Variants in ADAMTSL1 observed in about 807,000 individuals in gnomAD.
ADAMTSL1 encodes the protein ADAMTS-like protein 1.
Under a neutral mutation model 201.8 loss-of-function variants are expected in ADAMTSL1, and 126 were observed. The observed-to-expected ratio is 0.62, with a 90% confidence interval of 0.54 to 0.72. The LOEUF (loss-of-function observed/expected upper bound fraction) is 0.72, where lower values mean the gene tolerates loss of function less well. ADAMTSL1 is among the 30% of genes least tolerant of loss of function. ADAMTSL1 has a pLI of 0.00. For synonymous variants in ADAMTSL1, 1,121 were observed against 903.4 expected, an observed-to-expected ratio of 1.24 and a Z score of -4.32; for missense variants, 2,679 against 2,277.8, an observed-to-expected ratio of 1.18 and a Z score of -3.59.
At chr9:18,336,336 C>A (rs1835241481) in intron 2 of ADAMTSL1, among the ~76,000 whole-genome samples, 1 of 148,234 alleles carries the variant, frequency 6.7e-6, no homozygotes, top group Non-Finnish European at 1.5e-5. Flanking sequence ...CCACAGGCAA[C>A]AATTTTTCTA....
At chr9:18,050,674 A>G (rs1319516465) in intron 1 of ADAMTSL1, among the ~76,000 whole-genome samples, 2 of 152,112 alleles carry the variant, frequency 1.3e-5, no homozygotes, top group African/African-American at 2.4e-5. Context: ...GACTTATTTT[A>G]TGGAAGTGTG....
chr9:18,536,444 T>A (rs541804734), intron 3 of ADAMTSL1, among the ~76,000 whole-genome samples: 5 of 57,294 alleles, frequency 8.7e-5, no homozygotes, highest in African/African-American at 3.4e-4. Context: ...CCAGTTTCCC[T>A]TTTTTTTTTT....
rs1828778664 is a variant in ADAMTSL1 at position 18,657,625 on chromosome 9, G to A, written c.835-14G>A. On this transcript the variant is annotated splice_polypyrimidine_tract_variant and intron_variant, in intron 7 of 28. Coordinates refer to ENST00000380548, the MANE Select transcript of ADAMTSL1 (RefSeq NM_001040272.6). ...ACTGTCACATTACTTCTACTTTCCT[G>A]TTGACTCCTGCAGATTCGTAACTCG... The A allele has an allele frequency of 1.2e-6, 2 of 1,601,946 alleles. No homozygotes were observed. The highest frequency in any genetic ancestry group is 1.7e-5 in the Admixed American group (1 of 59,992).
At position 18,354,719 on chromosome 9, in the gene ADAMTSL1, G is replaced by A. The variant is rs530109219; in HGVS notation, c.208-150110G>A. 4.6e-5 allele frequency among the ~76,000 whole-genome samples: 7 copies of A among 152,274 alleles called. No individual in the cohort carries two copies. The East Asian group carries it at 1.2e-3, about 25-fold the overall frequency. The stretch of plus-strand genomic sequence containing the variant: ...GTGGTGGCTCACACCTGTAGTCCCA[G>A]CACTTTGGAAGGCTGAAGTTGGTGG... On this transcript the variant is annotated intron_variant, in intron 2 of 29. Transcript: ENST00000680146.
intron 1 of ADAMTSL1, among the ~76,000 whole-genome samples, chr9:17,988,672 G>C (rs1236256682): frequency 1.3e-5 from 2 of 151,650 alleles, no homozygotes; most frequent in Non-Finnish European, 2.9e-5. Flanking sequence ...AGTAAGGTCT[G>C]TTAATGATTT....
Position 18,267,769 on chromosome 9 carries a change from A to AAC in ADAMTSL1, c.207+103789_207+103790insCA, listed in dbSNP as rs757913827. On this transcript the variant is annotated intron_variant, in intron 2 of 29. Coordinates refer to the ADAMTSL1 transcript ENST00000680146. ...AGGTTACTCAAAGGCTATTAAAAAA[A>AAC]AAAAACAAAAACAAAAACAAAAAAA... is the stretch of plus-strand genomic sequence containing the variant. 8.2e-3 allele frequency among the ~76,000 whole-genome samples: 1,219 copies of AAC among 149,428 alleles called. 20 individuals carry two copies. The highest frequency in any genetic ancestry group is 0.016 in the South Asian group (74 of 4,712).
intron 1 of ADAMTSL1, among the ~76,000 whole-genome samples, chr9:17,978,618 CT>C (rs1272818030): frequency 2.0e-5 from 3 of 152,004 alleles, no homozygotes; most frequent in Non-Finnish European, 4.4e-5. Context: ...ATAAATTAAA[CT>C]TTTAAATATG....
intron 9 of ADAMTSL1, among the ~76,000 whole-genome samples, chr9:18,668,566 C>G (rs947997229): frequency 6.6e-6 from 1 of 152,136 alleles, no homozygotes; most frequent in Non-Finnish European, 1.5e-5. Context: ...TTCCGTCTGT[C>G]AGTTTGTAGC....
intron 7 of ADAMTSL1, among the ~76,000 whole-genome samples, chr9:18,646,011 C>G (rs1827786974): frequency 6.6e-6 from 1 of 152,128 alleles, no homozygotes; most frequent in Non-Finnish European, 1.5e-5. Flanking sequence ...CTGATTCTTC[C>G]TATCCATGAG....
intron 1 of ADAMTSL1, among the ~76,000 whole-genome samples, chr9:18,162,612 T>C (rs992353629): frequency 1.3e-5 from 2 of 151,986 alleles, no homozygotes; most frequent in African/African-American, 4.8e-5. Context: ...ATTATATATG[T>C]TATAGAAGAG....
Position 18,887,835 on chromosome 9 carries a change from C to T in ADAMTSL1, c.4254C>T (p.Cys1418=). Residue 1418 remains cysteine (C), a synonymous_variant, in exon 24 of 29, where the codon TGC becomes TGT. Transcript: ENST00000380548. The part of the protein sequence containing the change: ...LDPGNSALLG[C]PIKGHPVPNI... ...CTTCTTTTCCTCTCCTTCTAGGCTG[C>T]CCCATCAAAGGTCACCCTGTCCCTA... 7.4e-6 allele frequency: 12 copies of T among 1,613,422 alleles called. No individual in the cohort carries two copies. Among genetic ancestry groups the T allele is most frequent in the Non-Finnish European group, 1.0e-5 (12 of 1,179,572 alleles).
At chr9:18,181,086 T>G (rs1164870074) in intron 2 of ADAMTSL1, among the ~76,000 whole-genome samples, 3 of 152,132 alleles carry the variant, frequency 2.0e-5, no homozygotes, top group African/African-American at 4.8e-5. Context: ...TAGCCATATG[T>G]AGAAAGCTGA....
At chr9:18,478,584 T>C (rs1308476840) in intron 1 of ADAMTSL1, among the ~76,000 whole-genome samples, 1 of 152,200 alleles carries the variant, frequency 6.6e-6, no homozygotes, top group Non-Finnish European at 1.5e-5. Flanking sequence ...TTCATGTATC[T>C]TCCAGTTTCC....
chr9:17,976,404 T>G lies in ADAMTSL1; in HGVS notation c.87+69482T>G, dbSNP rs1008212564. On this transcript the variant is annotated intron_variant, in intron 1 of 29. Coordinates refer to the ADAMTSL1 transcript ENST00000680146. Reference sequence around the variant, plus strand: ...TTATGTCTTCTTCAGTTTTTTTAAATCAGTATTTTATAGTTTTTGGTGTAC... The same window carrying G: ...TTATGTCTTCTTCAGTTTTTTTAAAGCAGTATTTTATAGTTTTTGGTGTAC... Among the ~76,000 whole-genome samples the G allele has an allele frequency of 2.0e-5, 3 of 152,144 alleles. No homozygotes were observed. In the South Asian group the frequency reaches 6.2e-4, roughly 32 times the overall value.
chr9:18,076,739 G>GT (rs148613594), intron 1 of ADAMTSL1, among the ~76,000 whole-genome samples: 1,603 of 152,260 alleles, frequency 0.011, 28 homozygotes, highest in African/African-American at 0.036. Flanking sequence ...ATTTTGTTGA[G>GT]TACATCGAGG....
chr9:18,905,136 C>G (rs7864844), intron 26 of ADAMTSL1, among the ~76,000 whole-genome samples: 92,271 of 152,018 alleles, frequency 0.61, 29,211 homozygotes, highest in African/African-American at 0.8. Context: ...ATGTTGGCTA[C>G]ATGTTGGCTA....
rs1047091157 is a variant in ADAMTSL1 at position 18,179,064 on chromosome 9, C to A, written c.207+15083C>A. Among the ~76,000 whole-genome samples the A allele has an allele frequency of 4.6e-5, 7 of 151,968 alleles. No individual in the cohort carries two copies. The East Asian group carries it at 9.6e-4, about 21-fold the overall frequency. ...CGAGCTGAGAGAAGAAGGCTTCAGACAATCAAATTACTCCGAGCTACGGGA... is the reference window on the plus strand; with the variant it reads ...CGAGCTGAGAGAAGAAGGCTTCAGAAAATCAAATTACTCCGAGCTACGGGA... On this transcript the variant is annotated intron_variant, in intron 2 of 29. Transcript: ENST00000680146.
At chr9:18,186,406 A>T (rs1828735541) in intron 2 of ADAMTSL1, among the ~76,000 whole-genome samples, 3 of 152,144 alleles carry the variant, frequency 2.0e-5, no homozygotes, top group Admixed American at 1.3e-4. Flanking sequence ...GGATGATATC[A>T]TGTGAGTAAA....
intron 4 of ADAMTSL1, among the ~76,000 whole-genome samples, chr9:18,612,162 C>G (rs1825419200): frequency 6.6e-6 from 1 of 152,036 alleles, no homozygotes; most frequent in Non-Finnish European, 1.5e-5. Flanking sequence ...CATTTATGCC[C>G]CAAGGCAATT....
Sources: allele counts gnomAD v4.1 joint callset (sites outside exome capture counted in the v4.1 genomes callset), GRCh38; gene constraint gnomAD v4.1.1; transcripts MANE v1.5; gene names NCBI Gene and HGNC (gene_info 2026-07-23, HGNC 2026-07-21).